The following MTM1 variants were observed in gnomAD, a reference collection of about 807,000 sequenced individuals.
MTM1 encodes the protein myotubularin.
MTM1 carries 9 observed loss-of-function variants against 52.1 expected under a neutral mutation model. The ratio of observed to expected loss-of-function variants is 0.17; its 90% CI spans 0.10 to 0.30. MTM1 has a LOEUF of 0.30. MTM1 is among the 10% of genes least tolerant of loss of function. The pLI is 1.00. For synonymous variants in MTM1, 136 were observed against 163.8 expected (o/e 0.83, Z 1.29); for missense variants, 277 against 470.7 (o/e 0.59, Z 3.81).
intron 6 of MTM1, among the ~76,000 whole-genome samples, chrX:150,637,711 A>T (rs1484410611): frequency 3.6e-5 from 4 of 112,306 alleles, no homozygotes; most frequent in African/African-American, 1.3e-4. Flanking sequence ...AGAAGACAAG[A>T]AGCCATGAGG....
chrX:150,596,280 T>C (rs1336215687), intron 2 of MTM1, among the ~76,000 whole-genome samples: 1 of 112,494 alleles, frequency 8.9e-6, no homozygotes, highest in Non-Finnish European at 1.9e-5. Flanking sequence ...TTGAAAAGCA[T>C]GCTAGCATTA....
Position 150,649,910 on chromosome X carries a change from A to G in MTM1, c.1053+9A>G, listed in dbSNP as rs2039991511. 8.4e-7 allele frequency: 1 copy of G among 1,185,863 alleles called. No individual in the cohort carries two copies. The highest frequency in any genetic ancestry group is 1.1e-6 in the Non-Finnish European group (1 of 875,922). ...GGTTAGAACATATCAAGGCAAGTATATTTTGTGAAAATATTTGTGTATATA... is the reference window on the plus strand; with the variant it reads ...GGTTAGAACATATCAAGGCAAGTATGTTTTGTGAAAATATTTGTGTATATA... On this transcript the variant is annotated intron_variant, in intron 10 of 14. Transcript: ENST00000370396.
chrX:150,594,897 A>C (rs1184962395), intron 2 of MTM1, among the ~76,000 whole-genome samples: 1 of 111,501 alleles, frequency 9.0e-6, no homozygotes, highest in Admixed American at 9.5e-5. Flanking sequence ...CTCTCTTACA[A>C]TTTATATAAG....
At chrX:150,630,782 C>T (rs1262603477) in intron 6 of MTM1, among the ~76,000 whole-genome samples, 1 of 111,669 alleles carries the variant, frequency 9.0e-6, no homozygotes, top group Non-Finnish European at 1.9e-5. Flanking sequence ...ACCACCCCCA[C>T]GTGTGGTGAT....
chrX:150,636,561 G>A (rs2039756389), intron 6 of MTM1, among the ~76,000 whole-genome samples: 1 of 111,931 alleles, frequency 8.9e-6, no homozygotes, highest in African/African-American at 3.2e-5. Context: ...TTTTCTCTTT[G>A]GTTTTTAAAA....
chrX:150,596,956 C>T, intron 3 of MTM1: 1 of 148,228 alleles, frequency 6.7e-6, no homozygotes, highest in Non-Finnish European at 1.3e-5. Context: ...AATCATTCTC[C>T]TCTTTGAAAT....
chrX:150,629,898 C>A (rs1280767732), intron 6 of MTM1, among the ~76,000 whole-genome samples: 1 of 111,162 alleles, frequency 9.0e-6, no homozygotes, highest in Non-Finnish European at 1.9e-5. Flanking sequence ...CACATGCCTT[C>A]CCCCTTAACC....
At chrX:150,589,263 C>T (rs2038842946) in intron 1 of MTM1, among the ~76,000 whole-genome samples, 1 of 110,859 alleles carries the variant, frequency 9.0e-6, no homozygotes. Context: ...TAAGTCACTC[C>T]AGGACCTTGT....
chrX:150,665,863 T>C (rs16996695), intron 14 of MTM1, among the ~76,000 whole-genome samples: 1,509 of 112,202 alleles, frequency 0.013, 33 homozygotes, highest in African/African-American at 0.046. Context: ...CATAGTCATA[T>C]TACAAACCTG....
rs1557412027 is a variant in MTM1 at position 150,583,531 on chromosome X, AAAT to A, written c.-10-9073_-10-9071del. Reference sequence around the variant, plus strand: ...TATATAATTTATATATATTATATATAAATTATATATATTATACATAATTTATAT... The same window carrying A: ...TATATAATTTATATATATTATATATATATATATATTATACATAATTTATAT... On this transcript the variant is annotated intron_variant, in intron 1 of 14. Transcript: ENST00000370396. Among the ~76,000 whole-genome samples, 139 of 31,729 alleles carry A rather than the reference AAAT, an allele frequency of 4.4e-3. 18 individuals carry two copies. Among genetic ancestry groups the A allele is most frequent in the African/African-American group, 0.018 (135 of 7,657 alleles). 27.6% of individuals were successfully genotyped at this position (31,729 alleles called of 115,157 possible). A position where few individuals can be genotyped will look rare whatever the true frequency, so the allele number is the denominator to read the frequency against.
At chrX:150,576,698 A>G (rs2038478072) in intron 1 of MTM1, among the ~76,000 whole-genome samples, 1 of 111,711 alleles carries the variant, frequency 9.0e-6, no homozygotes, top group South Asian at 3.7e-4. Flanking sequence ...TATCTTTTGC[A>G]AATTTGAGCA....
chrX:150,612,190 CAAAA>C (rs377418608), intron 4 of MTM1, among the ~76,000 whole-genome samples: 1 of 83,685 alleles, frequency 1.2e-5, no homozygotes. Context: ...GGTCCTGTCT[CAAAA>C]AAAAAAAAAA....
intron 13 of MTM1, among the ~76,000 whole-genome samples, chrX:150,663,008 G>A (rs1557414757): frequency 8.9e-6 from 1 of 112,280 alleles, no homozygotes; most frequent in African/African-American, 3.2e-5. Context: ...CTACTGTCAA[G>A]TAGACACAGA....
intron 4 of MTM1, among the ~76,000 whole-genome samples, chrX:150,609,252 C>T (rs1249664739): frequency 9.0e-6 from 1 of 111,429 alleles, no homozygotes; most frequent in Non-Finnish European, 1.9e-5. Context: ...CCTGGCTACT[C>T]TAGGGGGAAT....
At chrX:150,660,248 C>A in intron 12 of MTM1, 123 bp from the exon 13 acceptor site, 1 of 498,791 alleles carries the variant, frequency 2.0e-6, no homozygotes, top group Non-Finnish European at 3.5e-6. Context: ...AGATTACAGC[C>A]TCTGCTGTCC....
chrX:150,592,312 C>T (rs1237757870), intron 1 of MTM1, among the ~76,000 whole-genome samples: 1 of 111,534 alleles, frequency 9.0e-6, no homozygotes, highest in Non-Finnish European at 1.9e-5. Flanking sequence ...TAGAGCACTA[C>T]GAATTAAAAT....
intron 14 of MTM1, among the ~76,000 whole-genome samples, chrX:150,667,333 A>C (rs1468941350): frequency 1.8e-5 from 2 of 111,016 alleles, no homozygotes; most frequent in African/African-American, 6.6e-5. Flanking sequence ...CCCAAAAGTC[A>C]CCTCTTCAGT....
intron 2 of MTM1, among the ~76,000 whole-genome samples, chrX:150,594,102 T>C (rs2038935619): frequency 9.2e-6 from 1 of 109,003 alleles, no homozygotes; most frequent in Non-Finnish European, 1.9e-5. Flanking sequence ...TGTGTATATG[T>C]GTATGTGTGT....
chrX:150,587,499 TGCA>T (rs782434693), intron 1 of MTM1, among the ~76,000 whole-genome samples: 78 of 112,136 alleles, frequency 7.0e-4, no homozygotes, highest in African/African-American at 2.4e-3. Flanking sequence ...CTTCTGCTTT[TGCA>T]GATCATAGTT....
Sources: allele counts gnomAD v4.1 joint callset (sites outside exome capture counted in the v4.1 genomes callset), GRCh38; gene constraint gnomAD v4.1.1; transcripts MANE v1.5; gene names NCBI Gene and HGNC (gene_info 2026-07-23, HGNC 2026-07-21).